Variants in NXPE4 observed in about 807,000 individuals in gnomAD.
The protein encoded by NXPE4 is neurexophilin and PC-esterase domain family member 4.
In NXPE4, 42 loss-of-function variants were observed where a neutral mutation model predicts 33.3. The ratio of observed to expected loss-of-function variants is 1.26; its 90% confidence interval spans 0.98 to 1.63. The LOEUF (loss-of-function observed/expected upper bound fraction) is 1.63, where lower values mean the gene tolerates loss of function less well. Among genes scored for constraint, NXPE4 ranks in the 40% most tolerant of loss-of-function variants. The pLI is 0.00. For missense variants in NXPE4, 709 were observed against 647.6 expected (o/e 1.09, Z -1.03); for synonymous variants, 253 against 234.9 (o/e 1.08, Z -0.71).
chr11:114,632,918 T>A, the NXPE4 span, among the ~76,000 whole-genome samples: 1 of 95,322 alleles, frequency 1.0e-5, no homozygotes, highest in East Asian at 2.7e-4. Flanking sequence ...TATTATATTT[T>A]ATATAATTAT....
the NXPE4 span, among the ~76,000 whole-genome samples, chr11:114,675,296 A>G: frequency 6.6e-6 from 1 of 151,802 alleles, no homozygotes; most frequent in Admixed American, 6.6e-5. Flanking sequence ...ATAGTACTGG[A>G]AGTCCTAGCC....
At chr11:114,673,916 C>G in the NXPE4 span, among the ~76,000 whole-genome samples, 3 of 151,728 alleles carry the variant, frequency 2.0e-5, no homozygotes, top group Non-Finnish European at 4.4e-5. Flanking sequence ...CAAACTAGCC[C>G]AAAACCAGAA....
At chr11:114,650,236 AGAG>A in the NXPE4 span, among the ~76,000 whole-genome samples, 5 of 152,216 alleles carry the variant, frequency 3.3e-5, no homozygotes, top group Non-Finnish European at 7.3e-5. Context: ...CACAGGAAAA[AGAG>A]GAGAGAGCAT....
the NXPE4 span, among the ~76,000 whole-genome samples, chr11:114,674,870 C>G: frequency 1.3e-5 from 2 of 151,642 alleles, no homozygotes; most frequent in Non-Finnish European, 3.0e-5. Flanking sequence ...TATAGACTAT[C>G]ATCCCTAATG....
At chr11:114,610,428 C>T in the NXPE4 span, among the ~76,000 whole-genome samples, 136 of 150,328 alleles carry the variant, frequency 9.0e-4, no homozygotes, top group Middle Eastern at 7.0e-3. Flanking sequence ...TATTGCCTCT[C>T]GGGTAACCAC....
At chr11:114,602,356 T>G in the NXPE4 span, among the ~76,000 whole-genome samples, 2 of 126,902 alleles carry the variant, frequency 1.6e-5, no homozygotes, top group Non-Finnish European at 3.1e-5. Context: ...ATATACTATA[T>G]ATAATATGTT....
the NXPE4 span, among the ~76,000 whole-genome samples, chr11:114,632,167 CAT>C: frequency 7.3e-6 from 1 of 137,732 alleles, no homozygotes; most frequent in Non-Finnish European, 1.5e-5. Flanking sequence ...TAAAATTTAT[CAT>C]ATAATATATA....
At chr11:114,597,858 C>G (rs186602175), upstream of NXPE4, among the ~76,000 whole-genome samples, 11 of 152,190 alleles carry the variant, frequency 7.2e-5, no homozygotes, top group Admixed American at 3.3e-4. Context: ...ATATATTAAT[C>G]TACACTCACA....
At chr11:114,656,679 T>G in the NXPE4 span, among the ~76,000 whole-genome samples, 1 of 151,894 alleles carries the variant, frequency 6.6e-6, no homozygotes. Context: ...AAGCACTCCT[T>G]TACACCAAAA....
the NXPE4 span, among the ~76,000 whole-genome samples, chr11:114,676,232 A>G: frequency 2.6e-5 from 4 of 152,010 alleles, no homozygotes; most frequent in African/African-American, 9.7e-5. Context: ...AGCACAGGCA[A>G]CAAAACAAAA....
chr11:114,636,352 C>CT, the NXPE4 span, among the ~76,000 whole-genome samples: 1 of 151,950 alleles, frequency 6.6e-6, no homozygotes, highest in South Asian at 2.1e-4. Context: ...ATTCTTCTCT[C>CT]TTTTTTTCTT....
At chr11:114,586,431 C>T (rs1476256162) in intron 2 of NXPE4, among the ~76,000 whole-genome samples, 2 of 152,186 alleles carry the variant, frequency 1.3e-5, no homozygotes, top group African/African-American at 2.4e-5. Context: ...AGGCCTTCTG[C>T]TCTCCATTTA....
intron 2 of NXPE4, among the ~76,000 whole-genome samples, chr11:114,593,508 C>G (rs138711135): frequency 0.011 from 1,655 of 151,982 alleles, 32 homozygotes; most frequent in African/African-American, 0.037. Context: ...GGCTTTTATC[C>G]AAAAGACAGA....
At chr11:114,647,315 G>A in the NXPE4 span, among the ~76,000 whole-genome samples, 1 of 152,056 alleles carries the variant, frequency 6.6e-6, no homozygotes, top group African/African-American at 2.4e-5. Flanking sequence ...ATGAGCTTTG[G>A]TATAAAGTTT....
At chr11:114,601,961 T>C in the NXPE4 span, among the ~76,000 whole-genome samples, 1 of 83,988 alleles carries the variant, frequency 1.2e-5, no homozygotes, top group Admixed American at 2.3e-4. Flanking sequence ...TATAATATTA[T>C]ATATTATATA....
intron 5 of NXPE4, among the ~76,000 whole-genome samples, 161 bp from the exon 6 acceptor site, chr11:114,571,634 C>T (rs1008795265): frequency 2.6e-5 from 4 of 152,158 alleles, no homozygotes; most frequent in African/African-American, 4.8e-5. Context: ...ATTATTTGAA[C>T]AGTCAAAAGT....
At chr11:114,633,639 A>G in the NXPE4 span, among the ~76,000 whole-genome samples, 1 of 124,120 alleles carries the variant, frequency 8.1e-6, no homozygotes, top group Non-Finnish European at 1.6e-5. Flanking sequence ...AACTGTCCCC[A>G]GAGTGTGATG....
intron 5 of NXPE4, among the ~76,000 whole-genome samples, chr11:114,574,248 C>G (rs942775136): frequency 4.0e-5 from 6 of 151,766 alleles, no homozygotes; most frequent in Non-Finnish European, 8.8e-5. Context: ...TAAATGCCTA[C>G]ATAAAAGTCT....
chr11:114,570,678 C>T lies in NXPE4; in HGVS notation c.*260G>A, dbSNP rs77252913. The stretch of plus-strand genomic sequence containing the variant: ...GAACTTTTACCCATAGGTGTCTTGA[C>T]TTCCCATTGGTGAAGAGGGGTATGG... On this transcript the variant is annotated 3_prime_UTR_variant, in exon 6 of 6. Transcript: ENST00000375478. 1,743 of 278,262 alleles carry T rather than the reference C, an allele frequency of 6.3e-3. 7 individuals carry two copies. Among genetic ancestry groups the T allele is most frequent in the Admixed American group, 8.8e-3 (183 of 20,884 alleles). The allele number at this position is 278,262 out of a possible 1,614,324, so 17.2% of individuals were successfully genotyped here.
Sources: allele counts gnomAD v4.1 joint callset (sites outside exome capture counted in the v4.1 genomes callset), GRCh38; gene constraint gnomAD v4.1.1; transcripts MANE v1.5; gene names NCBI Gene and HGNC (gene_info 2026-07-23, HGNC 2026-07-21).